Variants in GNA12 observed in about 807,000 individuals in gnomAD.
The protein encoded by GNA12 is G protein subunit alpha 12.
Under a neutral mutation model 26.0 loss-of-function variants are expected in GNA12, and 9 were observed. The ratio of observed to expected loss-of-function variants is 0.35; its 90% CI spans 0.21 to 0.60. GNA12 has a LOEUF of 0.60. Ranked by LOEUF, GNA12 falls within the 20% of genes least tolerant of loss-of-function variation. The probability of loss-of-function intolerance (pLI) is 0.78; values close to 1 mark genes in which losing one functional copy is unlikely to be tolerated. For synonymous variants in GNA12, 264 were observed against 219.6 expected, an observed-to-expected ratio of 1.20 and a Z score of -1.79; for missense variants, 405 against 525.8, an observed-to-expected ratio of 0.77 and a Z score of 2.25.
chr7:2,832,811 C>T (rs1217162578), intron 1 of GNA12, among the ~76,000 whole-genome samples: 1 of 152,172 alleles, frequency 6.6e-6, no homozygotes, highest in African/African-American at 2.4e-5. Context: ...CCGTCCAGAG[C>T]GGCTGGATGT....
intron 1 of GNA12, among the ~76,000 whole-genome samples, chr7:2,795,346 C>G (rs1399138641): frequency 6.6e-6 from 1 of 152,102 alleles, no homozygotes; most frequent in Non-Finnish European, 1.5e-5. Context: ...AAGACAGACG[C>G]ACATGGCCGA....
rs1285065939 is a variant in GNA12, at chr7:2,730,858, C to G, written c.*323G>C. ...ACACATACACACACAACACGGTCCT[C>G]AATTAAACTGCGTCAGAAAAAGAGG... On this transcript the variant is annotated 3_prime_UTR_variant, in exon 4 of 4. Coordinates refer to ENST00000275364, the MANE Select transcript of GNA12 (RefSeq NM_007353.3). The G allele has an allele frequency of 6.4e-6, 2 of 311,860 alleles. No homozygotes were observed. The highest frequency in any genetic ancestry group is 1.2e-5 in the Non-Finnish European group (2 of 163,418). The allele number at this position is 311,860 out of a possible 1,614,324, so 19.3% of individuals were successfully genotyped here. A position where few individuals can be genotyped will look rare whatever the true frequency, so the allele number is the denominator to read the frequency against.
chr7:2,753,516 T>C lies in GNA12; in HGVS notation c.526-20015A>G, dbSNP rs189563185. 1.6e-4 allele frequency among the ~76,000 whole-genome samples: 24 copies of C among 152,326 alleles called. No homozygotes were observed. In the East Asian group the frequency reaches 4.6e-3, roughly 29 times the overall value. The stretch of plus-strand genomic sequence containing the variant: ...CTGCTCACACTGTTGCATCTGTCAG[T>C]AGCTTGCCCCTTTTTACTGCTGGGA... On this transcript the variant is annotated intron_variant, in intron 2 of 3. Coordinates refer to ENST00000275364, the MANE Select transcript of GNA12 (RefSeq NM_007353.3).
At chr7:2,795,444 A>C (rs1792636564) in intron 1 of GNA12, among the ~76,000 whole-genome samples, 1 of 152,166 alleles carries the variant, frequency 6.6e-6, no homozygotes, top group African/African-American at 2.4e-5. Context: ...CGGCCTGGGC[A>C]ACAGAGCAAG....
intron 1 of GNA12, chr7:2,835,825 T>C (rs1778821615): frequency 1.5e-6 from 1 of 646,034 alleles, no homozygotes; most frequent in Admixed American, 2.1e-5. Context: ...AATGATGCCT[T>C]ATCAAATCGG....
intron 1 of GNA12, among the ~76,000 whole-genome samples, chr7:2,803,922 A>T (rs1273079477): frequency 6.6e-6 from 1 of 152,198 alleles, no homozygotes; most frequent in Non-Finnish European, 1.5e-5. Flanking sequence ...AGCAGGCTGG[A>T]AACTCCTGGA....
At chr7:2,732,118 C>T (rs906751184) in intron 3 of GNA12, among the ~76,000 whole-genome samples, 7 of 152,294 alleles carry the variant, frequency 4.6e-5, no homozygotes, top group African/African-American at 1.2e-4. Flanking sequence ...CTTCCAAAAC[C>T]TTACTGTGAA....
At chr7:2,823,644 A>G (rs1793417629) in intron 1 of GNA12, among the ~76,000 whole-genome samples, 1 of 152,232 alleles carries the variant, frequency 6.6e-6, no homozygotes, top group East Asian at 1.9e-4. Flanking sequence ...CAGGAAAAAT[A>G]AAAATGCAAT....
intron 2 of GNA12, among the ~76,000 whole-genome samples, chr7:2,747,447 A>T (rs1005169863): frequency 6.6e-6 from 1 of 152,222 alleles, no homozygotes; most frequent in Non-Finnish European, 1.5e-5. Context: ...TAGATGCAGA[A>T]AAGGCCTTTG....
intron 1 of GNA12, 138 bp downstream of exon 1, chr7:2,843,715 G>C (rs1353738775): frequency 9.2e-6 from 4 of 433,744 alleles, no homozygotes; most frequent in African/African-American, 6.3e-5. Flanking sequence ...GGGGGGGAGT[G>C]GGGTGCAGGC....
intron 1 of GNA12, among the ~76,000 whole-genome samples, chr7:2,826,691 G>A (rs1389162297): frequency 1.3e-5 from 2 of 152,182 alleles, no homozygotes; most frequent in Non-Finnish European, 2.9e-5. Flanking sequence ...CATGTGAAAA[G>A]GCTACATATT....
At chr7:2,833,260 T>A (rs1778733208) in intron 1 of GNA12, among the ~76,000 whole-genome samples, 1 of 152,186 alleles carries the variant, frequency 6.6e-6, no homozygotes, top group South Asian at 2.1e-4. Context: ...CTAGGTCCAT[T>A]ACACAACATC....
intron 1 of GNA12, among the ~76,000 whole-genome samples, chr7:2,838,909 G>A (rs1465605170): frequency 6.6e-6 from 1 of 152,194 alleles, no homozygotes; most frequent in Non-Finnish European, 1.5e-5. Flanking sequence ...AACTGATAGA[G>A]CTAAAGAAGA....
At chr7:2,758,871 G>T (rs977625991) in intron 2 of GNA12, among the ~76,000 whole-genome samples, 5 of 152,312 alleles carry the variant, frequency 3.3e-5, no homozygotes, top group Non-Finnish European at 7.3e-5. Context: ...TCTGCTGGGC[G>T]CGGTGGCTCA....
chr7:2,744,798 A>C (rs543028909), intron 2 of GNA12, among the ~76,000 whole-genome samples: 1 of 152,322 alleles, frequency 6.6e-6, no homozygotes, highest in Admixed American at 6.5e-5. Flanking sequence ...GGATAACTAG[A>C]ATAACCAATG....
intron 1 of GNA12, among the ~76,000 whole-genome samples, chr7:2,805,310 G>A (rs531473093): frequency 2.0e-5 from 3 of 152,332 alleles, no homozygotes; most frequent in Admixed American, 1.3e-4. Flanking sequence ...AAATAACTCT[G>A]CGAGGAATAG....
chr7:2,743,990 C>T (rs946976055), intron 2 of GNA12, among the ~76,000 whole-genome samples: 5 of 152,150 alleles, frequency 3.3e-5, no homozygotes, highest in Admixed American at 2.0e-4. Flanking sequence ...CCACCATTGC[C>T]GAGACTTGAT....
rs1412628763 is a variant in GNA12 at position 2,801,718 on chromosome 7, A to T, written c.310-6575T>A. Among the ~76,000 whole-genome samples, 3 of 152,028 alleles carry T rather than the reference A, an allele frequency of 2.0e-5. No individual in the cohort carries two copies. In the East Asian group the frequency reaches 5.8e-4, roughly 29 times the overall value. The stretch of plus-strand genomic sequence containing the variant: ...GGAAAAAAGGCATTAAAAAAAAAAG[A>T]TGTCTCTCTTTTGCCCTTTTACATT... On this transcript the variant is annotated intron_variant, in intron 1 of 3. Coordinates refer to ENST00000275364, the MANE Select transcript of GNA12 (RefSeq NM_007353.3).
At chr7:2,805,291 A>T (rs1792917610) in intron 1 of GNA12, among the ~76,000 whole-genome samples, 1 of 152,266 alleles carries the variant, frequency 6.6e-6, no homozygotes, top group Non-Finnish European at 1.5e-5. Flanking sequence ...TAGCTCATTT[A>T]GTCTTTATAA....
Sources: gnomAD v4.1 joint callset for allele counts (sites outside exome capture counted in the v4.1 genomes callset) on GRCh38, gnomAD v4.1.1 for gene constraint, MANE v1.5 for transcripts, NCBI Gene and HGNC (gene_info 2026-07-23, HGNC 2026-07-21) for gene names.